The following BMPR1A variants were observed in gnomAD, a reference collection of about 807,000 sequenced individuals.
BMPR1A encodes bone morphogenetic protein receptor type 1A.
In BMPR1A, 7 loss-of-function variants were observed where a neutral mutation model predicts 66.0. The observed-to-expected ratio is 0.11, with a 90% confidence interval of 0.06 to 0.20. BMPR1A has a LOEUF of 0.20. Ranked by LOEUF, BMPR1A falls within the 10% of genes least tolerant of loss-of-function variation. The probability of loss-of-function intolerance (pLI) is 1.00; values close to 1 mark genes in which losing one functional copy is unlikely to be tolerated. For synonymous variants in BMPR1A, 200 were observed against 229.7 expected (o/e 0.87, Z 1.17); for missense variants, 408 against 669.1 (o/e 0.61, Z 4.31).
intron 2 of BMPR1A, among the ~76,000 whole-genome samples, chr10:86,862,404 C>T (rs976394780): frequency 2.6e-5 from 4 of 152,124 alleles, no homozygotes; most frequent in African/African-American, 7.2e-5. Flanking sequence ...TAGGCTGGAA[C>T]GGAGGGAGGG....
At chr10:86,870,497 A>G (rs772902519) in intron 2 of BMPR1A, among the ~76,000 whole-genome samples, 5 of 152,158 alleles carry the variant, frequency 3.3e-5, no homozygotes, top group Admixed American at 6.5e-5. Flanking sequence ...ATCAAAGTTC[A>G]CTGCAGCCTT....
At chr10:86,804,790 G>GTTTTTTTTTTTTTTTTTTTTTT (rs1491151530) in intron 1 of BMPR1A, among the ~76,000 whole-genome samples, 1 of 97,496 alleles carries the variant, frequency 1.0e-5, no homozygotes, top group African/African-American at 4.3e-5. Flanking sequence ...ATGTTTGTAG[G>GTTTTTTTTTTTTTTTTTTTTTT]TGTTTTTTTT....
intron 2 of BMPR1A, among the ~76,000 whole-genome samples, chr10:86,849,978 C>G (rs1482653389): frequency 1.3e-5 from 2 of 152,062 alleles, no homozygotes; most frequent in Non-Finnish European, 1.5e-5. Flanking sequence ...CAGAAAGCAT[C>G]TTGCTCTCTT....
intron 1 of BMPR1A, among the ~76,000 whole-genome samples, chr10:86,836,103 C>T (rs930754005): frequency 1.3e-5 from 2 of 152,162 alleles, no homozygotes; most frequent in African/African-American, 4.8e-5. Context: ...CTTGTACTTA[C>T]TTAGCGTTTT....
intron 1 of BMPR1A, among the ~76,000 whole-genome samples, chr10:86,794,522 A>G (rs1009053031): frequency 6.6e-6 from 1 of 152,212 alleles, no homozygotes. Flanking sequence ...TGTTGTGAAG[A>G]TCAAATTAAG....
In BMPR1A at chr10:86,770,155, G is replaced by A. The variant is rs201094693; in HGVS notation, c.-268+13236G>A. ...AAAGTATAAAAATTAGCTAGGCGTG[G>A]TGGCGGGCGCCTGTGGTCCCAGCTG... On this transcript the variant is annotated intron_variant, in intron 1 of 12. Coordinates refer to ENST00000372037, the MANE Select transcript of BMPR1A (RefSeq NM_004329.3). 1.7e-4 allele frequency among the ~76,000 whole-genome samples: 26 copies of A among 152,364 alleles called. No homozygotes were observed. In the East Asian group the frequency reaches 3.9e-3, roughly 23 times the overall value.
chr10:86,871,451 A>T (rs975106919), intron 2 of BMPR1A, among the ~76,000 whole-genome samples: 1 of 152,356 alleles, frequency 6.6e-6, no homozygotes, highest in South Asian at 2.1e-4. Context: ...TAGGGAATAA[A>T]TTAATAATTC....
At chr10:86,874,221 A>T (rs11202242) in intron 2 of BMPR1A, among the ~76,000 whole-genome samples, 8 of 152,098 alleles carry the variant, frequency 5.3e-5, no homozygotes, top group Admixed American at 3.3e-4. Context: ...TTATTTAACA[A>T]TTTTACTTTG....
In BMPR1A at chr10:86,925,273, A is replaced by G. The variant is rs887919482; in HGVS notation, c.*1554A>G. On this transcript the variant is annotated 3_prime_UTR_variant, in exon 13 of 13. Coordinates refer to ENST00000372037, the MANE Select transcript of BMPR1A (RefSeq NM_004329.3). ...AATATTTATTCTGAGCAAACAATTC[A>G]TGAGTACATCAAGTGAGATAGTTTT... 8.9e-6 allele frequency: 2 copies of G among 223,550 alleles called. No homozygotes were observed. The highest frequency in any genetic ancestry group is 2.2e-5 in the African/African-American group (1 of 44,992). The allele number at this position is 223,550 out of a possible 1,614,324, so 13.8% of individuals were successfully genotyped here.
intron 3 of BMPR1A, 105 bp downstream of exon 3, chr10:86,876,190 A>C: frequency 9.2e-7 from 1 of 1,086,410 alleles, no homozygotes. Context: ...GGCCCAGCCT[A>C]CTAGGGCAGC....
At chr10:86,931,298 C>CACACACACACATATATAT, downstream of BMPR1A, 509 of 90,874 alleles carry the variant, frequency 5.6e-3, 38 homozygotes, top group African/African-American at 0.033. Context: ...CACACACACA[C>CACACACACACATATATAT]ATATATATAT....
chr10:86,863,912 G>A (rs536491863), intron 2 of BMPR1A, among the ~76,000 whole-genome samples: 1 of 152,280 alleles, frequency 6.6e-6, no homozygotes, highest in South Asian at 2.1e-4. Flanking sequence ...CATTGTACAA[G>A]CACCATGGTT....
chr10:86,863,332 T>C (rs1842737860), intron 2 of BMPR1A, among the ~76,000 whole-genome samples: 1 of 152,210 alleles, frequency 6.6e-6, no homozygotes, highest in South Asian at 2.1e-4. Context: ...TCAGATGTTA[T>C]CAAGTATCTT....
At chr10:86,788,477 G>T (rs1368234706) in intron 1 of BMPR1A, among the ~76,000 whole-genome samples, 6 of 152,206 alleles carry the variant, frequency 3.9e-5, no homozygotes, top group Non-Finnish European at 7.3e-5. Context: ...TCTTAGGGCT[G>T]GAGTGGAAAC....
intron 3 of BMPR1A, 185 bp from the exon 4 acceptor site, chr10:86,889,877 C>T: frequency 3.0e-6 from 2 of 665,682 alleles, no homozygotes; most frequent in Non-Finnish European, 5.1e-6. Context: ...ATACCTGGTG[C>T]AGTAATTCTG....
chr10:86,789,350 C>T (rs1331674417), intron 1 of BMPR1A, among the ~76,000 whole-genome samples: 1 of 152,126 alleles, frequency 6.6e-6, no homozygotes, highest in East Asian at 1.9e-4. Context: ...AGTGAGAAAA[C>T]AAGCCATAGA....
chr10:86,755,854 C>G (rs1309185111), upstream of BMPR1A: 1 of 151,904 alleles, frequency 6.6e-6, no homozygotes, highest in Admixed American at 6.6e-5. Context: ...GCTCCCGAAT[C>G]GATGAGGGAA....
At chr10:86,899,658 A>G (rs993936089) in intron 5 of BMPR1A, 136 bp from the exon 6 acceptor site, 12 of 893,018 alleles carry the variant, frequency 1.3e-5, no homozygotes, top group African/African-American at 5.1e-5. Context: ...TAATCTTTCA[A>G]TAATCTGTTT....
intron 1 of BMPR1A, among the ~76,000 whole-genome samples, chr10:86,795,168 A>G (rs1306301070): frequency 6.6e-6 from 1 of 151,290 alleles, no homozygotes; most frequent in Non-Finnish European, 1.5e-5. Flanking sequence ...ATAATTTTTA[A>G]TCTTTATTTT....
Sources: gnomAD v4.1 joint callset for allele counts (sites outside exome capture counted in the v4.1 genomes callset) on GRCh38, gnomAD v4.1.1 for gene constraint, MANE v1.5 for transcripts, NCBI Gene and HGNC (gene_info 2026-07-23, HGNC 2026-07-21) for gene names.